Variants in MCU observed in about 807,000 individuals in gnomAD.
MCU encodes the protein calcium uniporter protein, mitochondrial.
MCU carries 12 observed loss-of-function variants against 45.2 expected under a neutral mutation model. The ratio of observed to expected loss-of-function variants is 0.27; its 90% CI spans 0.17 to 0.43. The LOEUF (loss-of-function observed/expected upper bound fraction) is 0.43. Among genes scored for constraint, MCU ranks in the 20% least tolerant of loss-of-function variants. The pLI, the probability that MCU is intolerant of heterozygous loss-of-function variation, is 1.00. For synonymous variants in MCU, 160 were observed against 165.1 expected, an observed-to-expected ratio of 0.97 and a Z score of 0.24; for missense variants, 324 against 436.7, an observed-to-expected ratio of 0.74 and a Z score of 2.30.
At chr10:72,752,725 T>G (rs1047015715) in intron 1 of MCU, among the ~76,000 whole-genome samples, 5 of 152,198 alleles carry the variant, frequency 3.3e-5, no homozygotes, top group African/African-American at 1.2e-4. Context: ...TCCTCTCATT[T>G]GTAGGCCTGT....
At chr10:72,837,371 T>C (rs1844970540) in intron 2 of MCU, among the ~76,000 whole-genome samples, 1 of 152,172 alleles carries the variant, frequency 6.6e-6, no homozygotes, top group Non-Finnish European at 1.5e-5. Context: ...CATGTTTGCT[T>C]TCATGAGAGG....
intron 1 of MCU, among the ~76,000 whole-genome samples, chr10:72,797,083 C>T (rs554926797): frequency 7.9e-5 from 12 of 151,952 alleles, no homozygotes; most frequent in Non-Finnish European, 1.3e-4. Flanking sequence ...TGTAGCTTAT[C>T]GACTAGGTTA....
chr10:72,744,859 G>C (rs867033742), intron 1 of MCU, among the ~76,000 whole-genome samples: 1 of 152,340 alleles, frequency 6.6e-6, no homozygotes, highest in Middle Eastern at 3.4e-3. Flanking sequence ...GGGGTCAGCA[G>C]ATAATCCCTG....
At chr10:72,877,444 T>C (rs1277698701) in intron 6 of MCU, among the ~76,000 whole-genome samples, 2 of 152,150 alleles carry the variant, frequency 1.3e-5, no homozygotes, top group African/African-American at 4.8e-5. Flanking sequence ...CAGACCTCGA[T>C]TTTATTCATT....
At chr10:72,718,117 A>G (rs1163931717) in intron 1 of MCU, among the ~76,000 whole-genome samples, 1 of 152,164 alleles carries the variant, frequency 6.6e-6, no homozygotes. Context: ...AATTTTTATT[A>G]GCATGTTCGT....
chr10:72,831,073 A>G (rs894524638), intron 1 of MCU, among the ~76,000 whole-genome samples: 4 of 152,244 alleles, frequency 2.6e-5, no homozygotes, highest in African/African-American at 4.8e-5. Flanking sequence ...GGCAGTGAAC[A>G]TAGAGTCCAT....
At chr10:72,710,902 G>T (rs1302122926) in intron 1 of MCU, among the ~76,000 whole-genome samples, 1 of 152,024 alleles carries the variant, frequency 6.6e-6, no homozygotes, top group South Asian at 2.1e-4. Flanking sequence ...AACTGGCCGG[G>T]CGCAGTGGCT....
intron 1 of MCU, among the ~76,000 whole-genome samples, chr10:72,805,165 C>CTTTTTCTG: frequency 1.8e-5 from 1 of 55,174 alleles, no homozygotes; most frequent in East Asian, 4.5e-4. Flanking sequence ...CTTTCTGTCT[C>CTTTTTCTG]TCTCTCTCTC....
At chr10:72,869,171 A>C (rs1162055669) in intron 5 of MCU, among the ~76,000 whole-genome samples, 3 of 152,238 alleles carry the variant, frequency 2.0e-5, no homozygotes, top group African/African-American at 4.8e-5. Context: ...AGTATAGTGG[A>C]TAATGATTTT....
intron 1 of MCU, among the ~76,000 whole-genome samples, chr10:72,826,794 A>T (rs1444944752): frequency 6.6e-6 from 1 of 152,178 alleles, no homozygotes. Flanking sequence ...GAAATAATTA[A>T]GTTTTAAATG....
intron 1 of MCU, among the ~76,000 whole-genome samples, chr10:72,795,085 A>C (rs1172636846): frequency 6.6e-6 from 1 of 152,188 alleles, no homozygotes; most frequent in Non-Finnish European, 1.5e-5. Flanking sequence ...ATTTCTATTT[A>C]ACTATAGACA....
chr10:72,732,713 A>C (rs1245652970), intron 1 of MCU, among the ~76,000 whole-genome samples: 3 of 152,132 alleles, frequency 2.0e-5, no homozygotes, highest in Non-Finnish European at 2.9e-5. Context: ...GTTTTGCAAG[A>C]TTTTGTACAT....
intron 1 of MCU, among the ~76,000 whole-genome samples, chr10:72,759,718 G>A (rs1843627981): frequency 6.6e-6 from 1 of 152,116 alleles, no homozygotes; most frequent in African/African-American, 2.4e-5. Flanking sequence ...GTGACTATTT[G>A]GAGATAGTGG....
At chr10:72,772,774 A>G (rs1333734500) in intron 1 of MCU, among the ~76,000 whole-genome samples, 1 of 152,234 alleles carries the variant, frequency 6.6e-6, no homozygotes, top group East Asian at 1.9e-4. Flanking sequence ...TAGAAGGTAT[A>G]CCCATAAGAA....
At chr10:72,810,399 T>C (rs1386640580) in intron 1 of MCU, among the ~76,000 whole-genome samples, 1 of 151,606 alleles carries the variant, frequency 6.6e-6, no homozygotes, top group Non-Finnish European at 1.5e-5. Context: ...CACTGACATA[T>C]GTGAAAGCAT....
chr10:72,706,542 C>CTT (rs1251706679), intron 1 of MCU, among the ~76,000 whole-genome samples: 7 of 143,344 alleles, frequency 4.9e-5, no homozygotes, highest in African/African-American at 7.6e-5. Flanking sequence ...AGTATCTTCT[C>CTT]TTTTTTTTTT....
intron 2 of MCU, among the ~76,000 whole-genome samples, chr10:72,840,589 A>G (rs1250517567): frequency 1.3e-5 from 2 of 152,164 alleles, no homozygotes; most frequent in African/African-American, 2.4e-5. Context: ...CCCCACCACT[A>G]TATATCTTTC....
chr10:72,815,406 C>A (rs1177193079), intron 1 of MCU, among the ~76,000 whole-genome samples: 2 of 152,180 alleles, frequency 1.3e-5, no homozygotes, highest in Non-Finnish European at 2.9e-5. Context: ...AAGATGACTA[C>A]CCTGTGGCCC....
At chr10:72,834,275 A>G (rs1425573712) in intron 1 of MCU, 84 bp from the exon 2 acceptor site, 1 of 872,092 alleles carries the variant, frequency 1.1e-6, no homozygotes, top group Non-Finnish European at 1.8e-6. Context: ...AAGTAATCAT[A>G]TGTATATATT....
Sources: gnomAD v4.1 joint callset for allele counts (sites outside exome capture counted in the v4.1 genomes callset) on GRCh38, gnomAD v4.1.1 for gene constraint, MANE v1.5 for transcripts, NCBI Gene and HGNC (gene_info 2026-07-23, HGNC 2026-07-21) for gene names.